The following PPP1CB variants were observed in gnomAD, a reference collection of about 807,000 sequenced individuals.
The protein encoded by PPP1CB is serine/threonine-protein phosphatase PP1-beta catalytic subunit.
Under a neutral mutation model 43.7 loss-of-function variants are expected in PPP1CB, and 2 were observed. That is an observed-to-expected ratio of 0.05 (90% CI 0.02 to 0.14). The LOEUF (loss-of-function observed/expected upper bound fraction) is 0.14, where lower values mean the gene tolerates loss of function less well. PPP1CB is among the 10% of genes least tolerant of loss of function. The pLI is 1.00. For synonymous variants in PPP1CB, 136 were observed against 135.6 expected, an observed-to-expected ratio of 1.00 and a Z score of -0.02; for missense variants, 84 against 398.0, an observed-to-expected ratio of 0.21 and a Z score of 6.71.
At chr2:28,771,770 A>T (rs891777757) in intron 1 of PPP1CB, among the ~76,000 whole-genome samples, 1 of 152,194 alleles carries the variant, frequency 6.6e-6, no homozygotes, top group Non-Finnish European at 1.5e-5. Context: ...ACAATAAAAT[A>T]TCTGGAAGGA....
intron 1 of PPP1CB, among the ~76,000 whole-genome samples, chr2:28,766,896 A>G (rs763694170): frequency 1.3e-5 from 2 of 152,130 alleles, no homozygotes; most frequent in East Asian, 1.9e-4. Context: ...CCTGGCTAAC[A>G]TGGTGAAACC....
chr2:28,783,136 T>C (rs1364413460), intron 4 of PPP1CB, among the ~76,000 whole-genome samples: 2 of 152,198 alleles, frequency 1.3e-5, no homozygotes, highest in South Asian at 2.1e-4. Context: ...ATCAATAGTT[T>C]ATGACTTCAT....
chr2:28,786,665 C>T (rs1667271718), intron 5 of PPP1CB, among the ~76,000 whole-genome samples: 1 of 148,076 alleles, frequency 6.8e-6, no homozygotes, highest in South Asian at 2.1e-4. Flanking sequence ...GTCCCAGCTA[C>T]TCGGGAGGCT....
chr2:28,794,235 C>T (rs113468434), intron 7 of PPP1CB, among the ~76,000 whole-genome samples: 19 of 152,266 alleles, frequency 1.2e-4, no homozygotes, highest in African/African-American at 4.3e-4. Flanking sequence ...ATTCTTGATT[C>T]AGATGTTTTA....
chr2:28,777,177 A>G, intron 2 of PPP1CB, 195 bp downstream of exon 2: 1 of 433,330 alleles, frequency 2.3e-6, no homozygotes, highest in Non-Finnish European at 4.1e-6. Context: ...GCTATATATC[A>G]ACAGATAAAA....
At chr2:28,781,711 AATTT>A in intron 3 of PPP1CB, 23 bp from the exon 4 acceptor site, 2 of 1,485,542 alleles carry the variant, frequency 1.3e-6, no homozygotes, top group Non-Finnish European at 1.9e-6. Flanking sequence ...TAGATTTTTT[AATTT>A]ATTCTATCTG....
rs566050917 is a variant in PPP1CB, at chr2:28,756,727, A to G, written c.52+4551A>G. ...GGTCTTGAACCCTTGTGCTCAAGCA[A>G]TCCTCCAGCCTTGGCTTCCCAAAGT... On this transcript the variant is annotated intron_variant, in intron 1 of 7. Transcript: ENST00000395366. Among the ~76,000 whole-genome samples the G allele has an allele frequency of 2.6e-5, 4 of 152,256 alleles. No individual in the cohort carries two copies. The South Asian group carries it at 6.2e-4, about 24-fold the overall frequency.
chr2:28,796,314 C>T (rs1449007172), intron 7 of PPP1CB, among the ~76,000 whole-genome samples: 1 of 152,112 alleles, frequency 6.6e-6, no homozygotes, highest in Non-Finnish European at 1.5e-5. Flanking sequence ...AAGTTCTTTT[C>T]TAATGCTGTG....
intron 1 of PPP1CB, among the ~76,000 whole-genome samples, chr2:28,769,298 G>A (rs539854943): frequency 1.7e-4 from 26 of 152,260 alleles, no homozygotes; most frequent in Admixed American, 1.2e-3. Context: ...GTGCAATGGC[G>A]TGATCTTGGC....
At chr2:28,759,387 G>A (rs564625675) in intron 1 of PPP1CB, among the ~76,000 whole-genome samples, 12 of 151,978 alleles carry the variant, frequency 7.9e-5, no homozygotes, top group African/African-American at 2.2e-4. Context: ...TTGGTGGCAT[G>A]CATATGCCTG....
At chr2:28,772,766 G>A (rs551919519) in intron 1 of PPP1CB, among the ~76,000 whole-genome samples, 1 of 152,152 alleles carries the variant, frequency 6.6e-6, no homozygotes, top group East Asian at 1.9e-4. Context: ...TTAAGCATCC[G>A]TAATCTGATA....
chr2:28,754,338 G>A lies in PPP1CB; in HGVS notation c.52+2162G>A, dbSNP rs573432959. On this transcript the variant is annotated intron_variant, in intron 1 of 7. Coordinates refer to ENST00000395366, the MANE Select transcript of PPP1CB (RefSeq NM_002709.3). ...TTTGTACAATCTGTTTTCCTTTTTT[G>A]GGGGGGCGGGGGGGGGGCGGGTAAG... 5.4e-3 allele frequency among the ~76,000 whole-genome samples: 390 copies of A among 72,022 alleles called. 1 individual carries two copies. The highest frequency in any genetic ancestry group is 0.018 in the African/African-American group (373 of 21,010). 47.2% of individuals were successfully genotyped at this position (72,022 alleles called of 152,430 possible). A position where few individuals can be genotyped will look rare whatever the true frequency, so the allele number is the denominator to read the frequency against.
chr2:28,752,701 A>G (rs539462922), intron 1 of PPP1CB, among the ~76,000 whole-genome samples: 2 of 152,316 alleles, frequency 1.3e-5, no homozygotes, highest in East Asian at 3.9e-4. Context: ...GCATTTTTAC[A>G]CAATGCTATA....
chr2:28,753,304 T>G (rs1666384868), intron 1 of PPP1CB, among the ~76,000 whole-genome samples: 1 of 152,238 alleles, frequency 6.6e-6, no homozygotes, highest in South Asian at 2.1e-4. Context: ...AGTATGTACT[T>G]ATATTTGGAA....
chr2:28,797,296 G>A (rs563555963), intron 7 of PPP1CB, among the ~76,000 whole-genome samples: 6 of 152,108 alleles, frequency 3.9e-5, no homozygotes, highest in Non-Finnish European at 8.8e-5. Flanking sequence ...ACTGAGTTAG[G>A]GGGGAGGTCC....
chr2:28,790,449 C>G (rs913610237), intron 6 of PPP1CB, among the ~76,000 whole-genome samples: 8 of 152,146 alleles, frequency 5.3e-5, no homozygotes, highest in Non-Finnish European at 7.4e-5. Context: ...AAGTGATTCT[C>G]CTGCCTCAGC....
chr2:28,799,164 A>G, intron 7 of PPP1CB, 35 bp from the exon 8 acceptor site: 1 of 1,397,390 alleles, frequency 7.2e-7, no homozygotes, highest in Non-Finnish European at 9.9e-7. Context: ...CTGTACATGA[A>G]AAAATAACAT....
At chr2:28,769,558 C>T (rs1666857749) in intron 1 of PPP1CB, among the ~76,000 whole-genome samples, 2 of 152,144 alleles carry the variant, frequency 1.3e-5, no homozygotes, top group Admixed American at 1.3e-4. Flanking sequence ...AATATTAAAG[C>T]AAGTTCTTTG....
chr2:28,770,528 A>G (rs1381307848), intron 1 of PPP1CB, among the ~76,000 whole-genome samples: 2 of 152,160 alleles, frequency 1.3e-5, no homozygotes, highest in Non-Finnish European at 2.9e-5. Flanking sequence ...TGCTAAAAGG[A>G]TAAATTTAAT....
Sources: gnomAD v4.1 joint callset for allele counts (sites outside exome capture counted in the v4.1 genomes callset) on GRCh38, gnomAD v4.1.1 for gene constraint, MANE v1.5 for transcripts, NCBI Gene and HGNC (gene_info 2026-07-23, HGNC 2026-07-21) for gene names.